Variants in NEUROD2 observed in about 807,000 individuals in gnomAD.
NEUROD2 encodes neuronal differentiation 2.
A neutral mutation model predicts 9.3 loss-of-function variants in NEUROD2; 5 were observed. The ratio of observed to expected loss-of-function variants is 0.54; its 90% confidence interval spans 0.28 to 1.13. The LOEUF (loss-of-function observed/expected upper bound fraction) is 1.13. Among genes scored for constraint, NEUROD2 ranks in the 50% most tolerant of loss-of-function variants. NEUROD2 has a pLI of 0.10. For missense variants in NEUROD2, 376 were observed against 549.2 expected (o/e 0.68, Z 3.15); for synonymous variants, 277 against 257.3 (o/e 1.08, Z -0.73).
Position 39,606,753 on chromosome 17 carries a change from C to T in NEUROD2, c.-5-149G>A, listed in dbSNP as rs2056770761. Reference sequence around the variant, plus strand: ...TACCCTGGATGCCCACCTCCGCCGCCTGCCCCGCCCAGAGCCGGCCCAGCC... The same window carrying T: ...TACCCTGGATGCCCACCTCCGCCGCTTGCCCCGCCCAGAGCCGGCCCAGCC... On this transcript the variant is annotated intron_variant, in intron 1 of 1. Transcript: ENST00000302584. The surrounding 1 kb of genome is among the most constrained non-coding windows in gnomAD (Gnocchi z 7.8). The T allele has an allele frequency of 6.0e-6, 5 of 831,704 alleles. No individual in the cohort carries two copies. Among genetic ancestry groups the T allele is most frequent in the Non-Finnish European group, 8.7e-6 (5 of 574,986 alleles). 51.5% of individuals were successfully genotyped at this position (831,704 alleles called of 1,614,324 possible). A position where few individuals can be genotyped will look rare whatever the true frequency, so the allele number is the denominator to read the frequency against.
chr17:39,607,742 A>G lies in NEUROD2; in HGVS notation c.-20T>C, dbSNP rs2056775842. 1.3e-5 allele frequency: 3 copies of G among 223,240 alleles called. No individual in the cohort carries two copies. Among genetic ancestry groups the G allele is most frequent in the Non-Finnish European group, 2.2e-5 (3 of 138,932 alleles). The allele number at this position is 223,240 out of a possible 1,614,324, so 13.8% of individuals were successfully genotyped here. On this transcript the variant is annotated 5_prime_UTR_variant, in exon 1 of 2. Transcript: ENST00000302584. ...GGACAACTTACCTCGGAGAGGAGTC[A>G]AGGGGAGAGGGGAGGGGAGGGGGGG...
In NEUROD2 at chr17:39,606,395, T is replaced by C. The variant is rs1247810812; in HGVS notation, c.205A>G (p.Thr69Ala). 2.6e-6 allele frequency: 4 copies of C among 1,548,766 alleles called. No individual in the cohort carries two copies. The South Asian group carries it at 3.6e-5, about 14-fold the overall frequency. ...CCTTCCTCCTTGACCTCGGCCAACG[T>C]GGCCTCCGTCCCCTCTTCTCCACGG... ...PLRGEEGTEA[T>A]LAEVKEEGEL... Residue 69 changes from threonine (T) to alanine (A), a missense_variant, in exon 2 of 2, where the codon ACG becomes GCG. Thr to Ala is a moderately conservative substitution (Grantham distance 58). Coordinates refer to ENST00000302584, the MANE Select transcript of NEUROD2 (RefSeq NM_006160.4). This position sits in a 1 kb window ranked among gnomAD's most constrained non-coding sequence, Gnocchi z 7.8.
chr17:39,606,477 C>A lies in NEUROD2; in HGVS notation c.123G>T (p.Pro41=). The change falls in exon 2 of 2, where the codon CCG becomes CCT. Residue 41 remains proline (P), a synonymous_variant. Transcript: ENST00000302584. This position sits in a 1 kb window ranked among gnomAD's most constrained non-coding sequence, Gnocchi z 7.8. ...CCGGAGCCCCTGGCCCGGGCGCAGG[C>A]GGTGGCGGTGGCGGCGCGTCGCCCT... ...SDKGDAPPPP[P]PAPGPGAPGP... The A allele has an allele frequency of 2.6e-6, 4 of 1,535,524 alleles. No individual in the cohort carries two copies. The highest frequency in any genetic ancestry group is 2.0e-5 in the Admixed American group (1 of 50,856).
Position 39,606,635 on chromosome 17 carries a change from A to G in NEUROD2, c.-5-31T>C. The G allele has an allele frequency of 6.6e-7, 1 of 1,510,574 alleles. No individual in the cohort carries two copies. The highest frequency in any genetic ancestry group is 1.2e-5 in the South Asian group (1 of 80,816). The allele number at this position is 1,510,574 out of a possible 1,614,324, so 93.6% of individuals were successfully genotyped here. A position where few individuals can be genotyped will look rare whatever the true frequency, so the allele number is the denominator to read the frequency against. ...GGCGCCCCGCGGGCGGGAAGGGGAG[A>G]CAGACAGCACAAAGTGAGGGGCGCG... On this transcript the variant is annotated intron_variant, in intron 1 of 1. Coordinates refer to ENST00000302584, the MANE Select transcript of NEUROD2 (RefSeq NM_006160.4). This position sits in a 1 kb window ranked among gnomAD's most constrained non-coding sequence, Gnocchi z 7.8.
rs2056757564 is a variant in NEUROD2 at position 39,604,452 on chromosome 17, C to A, written c.*999G>T. 1 of 151,916 alleles carries A rather than the reference C, an allele frequency of 6.6e-6. No individual in the cohort carries two copies. Among genetic ancestry groups the A allele is most frequent in the Non-Finnish European group, 1.5e-5 (1 of 67,920 alleles). The allele number at this position is 151,916 out of a possible 1,614,324, so 9.4% of individuals were successfully genotyped here. A position where few individuals can be genotyped will look rare whatever the true frequency, so the allele number is the denominator to read the frequency against. On this transcript the variant is annotated 3_prime_UTR_variant, in exon 2 of 2. Coordinates refer to ENST00000302584, the MANE Select transcript of NEUROD2 (RefSeq NM_006160.4). ...ACTGGGGCCCCAAATCTCCGAGTCA[C>A]TGATTGTAAGAACCTGGGGAGGGGG...
chr17:39,606,358 C>G lies in NEUROD2; in HGVS notation c.242G>C (p.Gly81Ala). 2 of 1,572,058 alleles carry G rather than the reference C, an allele frequency of 1.3e-6. No individual in the cohort carries two copies. The highest frequency in any genetic ancestry group is 1.7e-6 in the Non-Finnish European group (2 of 1,161,580). Reference sequence around the variant, plus strand: ...CTCCTCCTCTTCCTCCTCCTCCTCTCCCCCCAGCTCGCCTTCCTCCTTGAC... The same window carrying G: ...CTCCTCCTCTTCCTCCTCCTCCTCTGCCCCCAGCTCGCCTTCCTCCTTGAC... ...AEVKEEGELG[G>A]EEEEEEEEEE... The change falls in exon 2 of 2, where the codon GGA becomes GCA. Residue 81 changes from glycine (G) to alanine (A), a missense_variant. Physicochemically the swap from Gly to Ala is moderately conservative, Grantham distance 60. This residue lies in a region of NEUROD2 where 134 missense variants were observed against 133.6 expected (regional missense o/e 1.00). Transcript: ENST00000302584. This position sits in a 1 kb window ranked among gnomAD's most constrained non-coding sequence, Gnocchi z 7.8.
Position 39,605,845 on chromosome 17 carries a change from T to G in NEUROD2, c.755A>C (p.Gln252Pro), listed in dbSNP as rs2056765788. The G allele has an allele frequency of 1.4e-6, 2 of 1,471,328 alleles. No individual in the cohort carries two copies. The highest frequency in any genetic ancestry group is 2.9e-5 in the African/African-American group (2 of 68,326). The allele number at this position is 1,471,328 out of a possible 1,614,324, so 91.1% of individuals were successfully genotyped here. Residue 252 changes from glutamine to proline, a missense_variant, in exon 2 of 2, where the codon CAG becomes CCG. Gln to Pro is a moderately conservative substitution (Grantham distance 76, BLOSUM62 -1). Coordinates refer to ENST00000302584, the MANE Select transcript of NEUROD2 (RefSeq NM_006160.4). The surrounding 1 kb of genome is among the most constrained non-coding windows in gnomAD (Gnocchi z 6.8). ...PCSRLAGAQCQAAGGLGGGAA... is the reference protein window; with the variant it reads ...PCSRLAGAQCPAAGGLGGGAA... ...GCCGCCGCCCAGGCCGCCGGCCGCC[T>G]GGCACTGTGCGCCCGCCAGGCGCGA...
Position 39,604,927 on chromosome 17 carries a change from G to A in NEUROD2, c.*524C>T, listed in dbSNP as rs1019827384. ...AAAATCGCAAAACGCGGAGACTGGA[G>A]GTTGGGGGTGAGGGCGTTCCAGGCC... On this transcript the variant is annotated 3_prime_UTR_variant, in exon 2 of 2. Transcript: ENST00000302584. The A allele has an allele frequency of 4.6e-5, 7 of 152,272 alleles. No homozygotes were observed. The highest frequency in any genetic ancestry group is 1.7e-4 in the African/African-American group (7 of 41,392). 9.4% of individuals were successfully genotyped at this position (152,272 alleles called of 1,614,324 possible).
At chr17:39,607,283 G>A (rs992728523) in intron 1 of NEUROD2, 1 of 152,282 alleles carries the variant, frequency 6.6e-6, no homozygotes, top group African/African-American at 2.4e-5. Flanking sequence ...AGCGAGCCCA[G>A]TCCGTCCCCT....
chr17:39,606,780 T>G lies in NEUROD2; in HGVS notation c.-5-176A>C. The stretch of plus-strand genomic sequence containing the variant: ...GCCCCGCCCAGAGCCGGCCCAGCCC[T>G]ACCCGGCTGCCGGCCTGGGATCTCG... On this transcript the variant is annotated intron_variant, in intron 1 of 1. Transcript: ENST00000302584. The surrounding 1 kb of genome is among the most constrained non-coding windows in gnomAD (Gnocchi z 7.8). 1.8e-5 allele frequency: 11 copies of G among 607,396 alleles called. No homozygotes were observed. Among genetic ancestry groups the G allele is most frequent in the Non-Finnish European group, 2.6e-5 (10 of 379,148 alleles). 37.6% of individuals were successfully genotyped at this position (607,396 alleles called of 1,614,324 possible).
chr17:39,605,267 C>A lies in NEUROD2; in HGVS notation c.*184G>T. The A allele has an allele frequency of 1.5e-6, 1 of 684,480 alleles. No homozygotes were observed. Among genetic ancestry groups the A allele is most frequent in the East Asian group, 3.0e-5 (1 of 33,194 alleles). 42.4% of individuals were successfully genotyped at this position (684,480 alleles called of 1,614,324 possible). On this transcript the variant is annotated 3_prime_UTR_variant, in exon 2 of 2. Transcript: ENST00000302584. The surrounding 1 kb of genome is among the most constrained non-coding windows in gnomAD (Gnocchi z 6.8). ...GAGAAGGCGAGTCCCCTGGGGGAAG[C>A]GAGGCCCCTGGGACAGGCCACCCAC...
rs185559385 is a variant in NEUROD2 at position 39,606,698 on chromosome 17, C to A, written c.-5-94G>T. The A allele has an allele frequency of 2.3e-6, 3 of 1,301,152 alleles. No individual in the cohort carries two copies. Among genetic ancestry groups the A allele is most frequent in the Non-Finnish European group, 3.0e-6 (3 of 992,032 alleles). The allele number at this position is 1,301,152 out of a possible 1,614,324, so 80.6% of individuals were successfully genotyped here. On this transcript the variant is annotated intron_variant, in intron 1 of 1. Transcript: ENST00000302584. This position sits in a 1 kb window ranked among gnomAD's most constrained non-coding sequence, Gnocchi z 7.8. ...CGCCCCCCCACAACCCTCCTCCACC[C>A]CCGAGTCTCGTGCGGGCTCCTGCCT...
chr17:39,606,346 T>C lies in NEUROD2; in HGVS notation c.254A>G (p.Glu85Gly). 6.3e-7 allele frequency: 1 copy of C among 1,582,922 alleles called. No homozygotes were observed. The highest frequency in any genetic ancestry group is 1.8e-5 in the Admixed American group (1 of 56,254). The part of the protein sequence containing the change: ...EEGELGGEEE[E>G]EEEEEEGLDE... Reference sequence around the variant, plus strand: ...CAGTCCTTCTTCCTCCTCCTCTTCCTCCTCCTCCTCTCCCCCCAGCTCGCC... The same window carrying C: ...CAGTCCTTCTTCCTCCTCCTCTTCCCCCTCCTCCTCTCCCCCCAGCTCGCC... The change falls in exon 2 of 2, where the codon GAG (glutamate) becomes GGG (glycine). Residue 85 changes from glutamate to glycine, a missense_variant. By Grantham distance (98) the Glu-to-Gly change is moderately conservative. Coordinates refer to ENST00000302584, the MANE Select transcript of NEUROD2 (RefSeq NM_006160.4). This position sits in a 1 kb window ranked among gnomAD's most constrained non-coding sequence, Gnocchi z 7.8.
rs778399011 is a variant in NEUROD2 at position 39,606,518 on chromosome 17, C to G, written c.82G>C (p.Glu28Gln). The change falls in exon 2 of 2, where the codon GAG (glutamate) becomes CAG (glutamine). Residue 28 changes from glutamate to glutamine, a missense_variant. This residue lies in a region of NEUROD2 where 134 missense variants were observed against 133.6 expected (regional missense o/e 1.00). Coordinates refer to ENST00000302584, the MANE Select transcript of NEUROD2 (RefSeq NM_006160.4). The surrounding 1 kb of genome is among the most constrained non-coding windows in gnomAD (Gnocchi z 7.8). ...FASWGDGEDDEPRSDKGDAPP... is the reference protein window; with the variant it reads ...FASWGDGEDDQPRSDKGDAPP... ...GCGTCGCCCTTGTCGCTCCTCGGCT[C>G]GTCGTCTTCGCCGTCGCCCCAGCTG... is the stretch of plus-strand genomic sequence containing the variant. The G allele has an allele frequency of 1.9e-6, 3 of 1,566,856 alleles. No individual in the cohort carries two copies. Among genetic ancestry groups the G allele is most frequent in the Non-Finnish European group, 2.6e-6 (3 of 1,165,496 alleles).
At position 39,606,371 on chromosome 17, in the gene NEUROD2, C is replaced by T. The variant is rs548121799; in HGVS notation, c.229G>A (p.Gly77Ser). The T allele has an allele frequency of 3.8e-6, 6 of 1,565,808 alleles. No individual in the cohort carries two copies. The highest frequency in any genetic ancestry group is 2.4e-5 in the East Asian group (1 of 42,410). ...EATLAEVKEE[G>S]ELGGEEEEEE... ...TCCTCCTCCTCTCCCCCCAGCTCGC[C>T]TTCCTCCTTGACCTCGGCCAACGTG... The change falls in exon 2 of 2, where the codon GGC (glycine) becomes AGC (serine). Residue 77 changes from glycine to serine, a missense_variant. Around this residue, in one of 3 missense-constraint regions of NEUROD2, gnomAD observed 134 missense variants for 133.6 expected, o/e 1.00. Coordinates refer to ENST00000302584, the MANE Select transcript of NEUROD2 (RefSeq NM_006160.4). The surrounding 1 kb of genome is among the most constrained non-coding windows in gnomAD (Gnocchi z 7.8).
chr17:39,605,267 C>G lies in NEUROD2; in HGVS notation c.*184G>C. On this transcript the variant is annotated 3_prime_UTR_variant, in exon 2 of 2. Coordinates refer to ENST00000302584, the MANE Select transcript of NEUROD2 (RefSeq NM_006160.4). This position sits in a 1 kb window ranked among gnomAD's most constrained non-coding sequence, Gnocchi z 6.8. ...GAGAAGGCGAGTCCCCTGGGGGAAG[C>G]GAGGCCCCTGGGACAGGCCACCCAC... The G allele has an allele frequency of 4.4e-6, 3 of 684,480 alleles. No individual in the cohort carries two copies. Among genetic ancestry groups the G allele is most frequent in the Non-Finnish European group, 6.9e-6 (3 of 433,478 alleles). 42.4% of individuals were successfully genotyped at this position (684,480 alleles called of 1,614,324 possible).
rs2056755540 is a variant in NEUROD2 at position 39,604,077 on chromosome 17, T to C, written c.*1374A>G. The C allele has an allele frequency of 6.6e-6, 1 of 152,458 alleles. No individual in the cohort carries two copies. Among genetic ancestry groups the C allele is most frequent in the African/African-American group, 2.4e-5 (1 of 41,350 alleles). The allele number at this position is 152,458 out of a possible 1,614,324, so 9.4% of individuals were successfully genotyped here. On this transcript the variant is annotated 3_prime_UTR_variant, in exon 2 of 2. Coordinates refer to ENST00000302584, the MANE Select transcript of NEUROD2 (RefSeq NM_006160.4). ...CACCAGCTAAAGCCAAGAGGACTCCTTGGACCAAAAAATACTCTCTCCAGA... is the reference window on the plus strand; with the variant it reads ...CACCAGCTAAAGCCAAGAGGACTCCCTGGACCAAAAAATACTCTCTCCAGA...
At position 39,606,730 on chromosome 17, in the gene NEUROD2, C is replaced by T; in HGVS notation, c.-5-126G>A. The T allele has an allele frequency of 9.7e-7, 1 of 1,028,702 alleles. No individual in the cohort carries two copies. The allele number at this position is 1,028,702 out of a possible 1,614,324, so 63.7% of individuals were successfully genotyped here. On this transcript the variant is annotated intron_variant, in intron 1 of 1. Coordinates refer to ENST00000302584, the MANE Select transcript of NEUROD2 (RefSeq NM_006160.4). The surrounding 1 kb of genome is among the most constrained non-coding windows in gnomAD (Gnocchi z 7.8). Reference sequence around the variant, plus strand: ...CTCGTGCGGGCTCCTGCCTAGGCTACCCTGGATGCCCACCTCCGCCGCCTG... The same window carrying T: ...CTCGTGCGGGCTCCTGCCTAGGCTATCCTGGATGCCCACCTCCGCCGCCTG...
In NEUROD2 at chr17:39,606,681, C is replaced by G; in HGVS notation, c.-5-77G>C. 3 of 1,371,454 alleles carry G rather than the reference C, an allele frequency of 2.2e-6. No individual in the cohort carries two copies. Among genetic ancestry groups the G allele is most frequent in the Non-Finnish European group, 2.9e-6 (3 of 1,045,498 alleles). The allele number at this position is 1,371,454 out of a possible 1,614,324, so 85.0% of individuals were successfully genotyped here. ...GCGCGCTGGGGTACCGACGCCCCCCCACAACCCTCCTCCACCCCCGAGTCT... is the reference window on the plus strand; with the variant it reads ...GCGCGCTGGGGTACCGACGCCCCCCGACAACCCTCCTCCACCCCCGAGTCT... On this transcript the variant is annotated intron_variant, in intron 1 of 1. Coordinates refer to ENST00000302584, the MANE Select transcript of NEUROD2 (RefSeq NM_006160.4). The surrounding 1 kb of genome is among the most constrained non-coding windows in gnomAD (Gnocchi z 7.8).
Sources: allele counts gnomAD v4.1 joint callset, GRCh38; gene constraint gnomAD v4.1.1; regional missense constraint gnomAD v4.1.1; non-coding constraint Gnocchi (gnomAD v3.1); transcripts MANE v1.5; gene names NCBI Gene and HGNC (gene_info 2026-07-23, HGNC 2026-07-21).